PABPC4L: variants seen among roughly 807,000 people sequenced by gnomAD.
PABPC4L encodes polyadenylate-binding protein 4-like.
For missense variants in PABPC4L, 452 were observed against 451.4 expected, an observed-to-expected ratio of 1.00 and a Z score of -0.01; for synonymous variants, 169 against 164.1, an observed-to-expected ratio of 1.03 and a Z score of -0.23.
chr4:134,007,060 T>C, the PABPC4L span, among the ~76,000 whole-genome samples: 1 of 151,844 alleles, frequency 6.6e-6, no homozygotes, highest in African/African-American at 2.4e-5. Context: ...GATAATGTTT[T>C]GGAATAGATA....
the PABPC4L span, among the ~76,000 whole-genome samples, chr4:134,062,189 A>C: frequency 6.6e-6 from 1 of 151,870 alleles, no homozygotes; most frequent in African/African-American, 2.4e-5. Flanking sequence ...TGAGGCAAAA[A>C]ATTACTAACT....
intron 1 of PABPC4L, 51 bp downstream of exon 1, chr4:134,201,666 CG>C (rs1729894020): frequency 6.5e-6 from 1 of 152,898 alleles, no homozygotes; most frequent in South Asian, 2.1e-4. Flanking sequence ...GACAGACCGA[CG>C]GACTGACGGA....
At chr4:134,062,463 A>T in the PABPC4L span, among the ~76,000 whole-genome samples, 1 of 151,964 alleles carries the variant, frequency 6.6e-6, no homozygotes, top group Non-Finnish European at 1.5e-5. Flanking sequence ...CAAGTCTCTT[A>T]TTCATCTCAA....
chr4:134,074,509 A>C, the PABPC4L span, among the ~76,000 whole-genome samples: 2 of 152,110 alleles, frequency 1.3e-5, no homozygotes, highest in Non-Finnish European at 2.9e-5. Flanking sequence ...TTGAGCCCCC[A>C]AAACTGTCCT....
the PABPC4L span, among the ~76,000 whole-genome samples, chr4:134,171,166 A>T: frequency 1.3e-5 from 2 of 152,116 alleles, no homozygotes; most frequent in South Asian, 2.1e-4. Flanking sequence ...GCAAGGCTGC[A>T]GTACAGTGGC....
chr4:134,018,091 G>T, the PABPC4L span, among the ~76,000 whole-genome samples: 1 of 152,014 alleles, frequency 6.6e-6, no homozygotes, highest in Admixed American at 6.6e-5. Flanking sequence ...AGTGAAAATG[G>T]CCTGTTCCTG....
At chr4:134,071,055 C>T in the PABPC4L span, among the ~76,000 whole-genome samples, 3 of 152,290 alleles carry the variant, frequency 2.0e-5, no homozygotes, top group East Asian at 5.8e-4. Flanking sequence ...TTCCTGCCAC[C>T]TCTCTAAGCA....
chr4:134,055,514 A>G, the PABPC4L span, among the ~76,000 whole-genome samples: 43 of 151,976 alleles, frequency 2.8e-4, no homozygotes, highest in African/African-American at 9.9e-4. Context: ...CCTCCAGAGC[A>G]ATGAAAAAAT....
chr4:134,021,044 C>A, the PABPC4L span, among the ~76,000 whole-genome samples: 1 of 152,198 alleles, frequency 6.6e-6, no homozygotes, highest in African/African-American at 2.4e-5. Context: ...GCAATTATGG[C>A]AGCCCAAGGC....
the PABPC4L span, among the ~76,000 whole-genome samples, chr4:134,136,677 A>G: frequency 6.6e-6 from 1 of 152,032 alleles, no homozygotes; most frequent in Non-Finnish European, 1.5e-5. Context: ...ATATTACAAT[A>G]TTCCTTTATT....
the PABPC4L span, among the ~76,000 whole-genome samples, chr4:133,968,633 A>G: frequency 5.5e-3 from 836 of 152,328 alleles, 6 homozygotes; most frequent in Non-Finnish European, 8.9e-3. Flanking sequence ...GACCATTGCC[A>G]TGGATAACAA....
At chr4:134,080,324 C>G in the PABPC4L span, among the ~76,000 whole-genome samples, 1 of 152,144 alleles carries the variant, frequency 6.6e-6, no homozygotes, top group Non-Finnish European at 1.5e-5. Flanking sequence ...CCTTATACAG[C>G]TTTGCTATTA....
chr4:134,175,418 ATT>A, the PABPC4L span, among the ~76,000 whole-genome samples: 1 of 151,734 alleles, frequency 6.6e-6, no homozygotes, highest in Non-Finnish European at 1.5e-5. Flanking sequence ...AATTTAATTT[ATT>A]TTTTAAATTA....
At chr4:133,966,910 T>A in the PABPC4L span, among the ~76,000 whole-genome samples, 2 of 152,144 alleles carry the variant, frequency 1.3e-5, no homozygotes, top group Admixed American at 1.3e-4. Flanking sequence ...GAAGGTTATT[T>A]TGGTGTTCCG....
chr4:134,153,810 G>GTTT, the PABPC4L span, among the ~76,000 whole-genome samples: 555 of 77,608 alleles, frequency 7.2e-3, 22 homozygotes, highest in African/African-American at 0.025. Context: ...CCTATGCCTA[G>GTTT]TTTTTTTTTT....
the PABPC4L span, among the ~76,000 whole-genome samples, chr4:134,112,634 CATCT>C: frequency 5.1e-3 from 769 of 151,092 alleles, 5 homozygotes; most frequent in African/African-American, 0.017. Context: ...ATCTATATAT[CATCT>C]ATCTATCTAC....
chr4:134,186,616 C>G, the PABPC4L span, among the ~76,000 whole-genome samples: 3 of 152,102 alleles, frequency 2.0e-5, no homozygotes, highest in African/African-American at 7.2e-5. Flanking sequence ...AAATACCATT[C>G]AGGACATAGG....
chr4:133,992,971 G>A, the PABPC4L span, among the ~76,000 whole-genome samples: 11 of 152,012 alleles, frequency 7.2e-5, no homozygotes, highest in Admixed American at 4.6e-4. Context: ...GCCATGGTAT[G>A]GTTTAATGCA....
At chr4:134,001,705 C>A in the PABPC4L span, among the ~76,000 whole-genome samples, 1 of 152,036 alleles carries the variant, frequency 6.6e-6, no homozygotes, top group African/African-American at 2.4e-5. Context: ...AGAAAACTTA[C>A]AATTAAAATA....
Sources: allele counts gnomAD v4.1 joint callset (sites outside exome capture counted in the v4.1 genomes callset), GRCh38; gene constraint gnomAD v4.1.1; transcripts MANE v1.5; gene names NCBI Gene and HGNC (gene_info 2026-07-23, HGNC 2026-07-21).